Variants in MAST4 observed in about 807,000 individuals in gnomAD.
MAST4 encodes the protein microtubule-associated serine/threonine-protein kinase 4.
A neutral mutation model predicts 162.7 loss-of-function variants in MAST4; 89 were observed. That is an observed-to-expected ratio of 0.55 (90% CI 0.46 to 0.65). The LOEUF (loss-of-function observed/expected upper bound fraction) is 0.65. Among genes scored for constraint, MAST4 ranks in the 30% least tolerant of loss-of-function variants. The probability of loss-of-function intolerance (pLI) is 0.00; values close to 1 mark genes in which losing one functional copy is unlikely to be tolerated. For synonymous variants in MAST4, 1,479 were observed against 1,361.1 expected, an observed-to-expected ratio of 1.09 and a Z score of -1.91; for missense variants, 3,153 against 3,374.0, an observed-to-expected ratio of 0.93 and a Z score of 1.62.
At chr5:66,923,565 T>C (rs1764684881) in intron 4 of MAST4, among the ~76,000 whole-genome samples, 1 of 152,186 alleles carries the variant, frequency 6.6e-6, no homozygotes, top group African/African-American at 2.4e-5. Context: ...GTTGTTCTCT[T>C]TTTCCTGTTT....
intron 5 of MAST4, among the ~76,000 whole-genome samples, chr5:67,061,288 A>C (rs1382285323): frequency 6.6e-6 from 1 of 152,218 alleles, no homozygotes; most frequent in Non-Finnish European, 1.5e-5. Flanking sequence ...ATAATATCTT[A>C]CTATTCGTAA....
chr5:66,773,807 T>C (rs1754464367), intron 2 of MAST4, among the ~76,000 whole-genome samples: 1 of 152,194 alleles, frequency 6.6e-6, no homozygotes, highest in Admixed American at 6.5e-5. Flanking sequence ...CTGTGAGAAA[T>C]AAATTTCTGT....
chr5:66,985,927 C>G (rs1334979565), intron 4 of MAST4, among the ~76,000 whole-genome samples: 1 of 152,184 alleles, frequency 6.6e-6, no homozygotes, highest in Non-Finnish European at 1.5e-5. Flanking sequence ...CTCAAGTCAT[C>G]TACATGTAGA....
intron 4 of MAST4, among the ~76,000 whole-genome samples, chr5:66,946,317 T>G (rs1389092886): frequency 6.6e-6 from 1 of 152,140 alleles, no homozygotes; most frequent in Non-Finnish European, 1.5e-5. Flanking sequence ...GTTTCATGCT[T>G]TGTGACTTAG....
At chr5:67,104,926 C>T (rs1369974285) in intron 10 of MAST4, among the ~76,000 whole-genome samples, 3 of 152,192 alleles carry the variant, frequency 2.0e-5, no homozygotes, top group Admixed American at 2.0e-4. Context: ...ATGATGCTAT[C>T]TAGTTCTATA....
chr5:66,886,076 C>G (rs894982243), intron 3 of MAST4, among the ~76,000 whole-genome samples: 1 of 152,180 alleles, frequency 6.6e-6, no homozygotes, highest in African/African-American at 2.4e-5. Context: ...AAAGTCGAGG[C>G]TGGCACTCAC....
chr5:66,607,625 G>C (rs1477413028), intron 1 of MAST4, among the ~76,000 whole-genome samples: 2 of 152,186 alleles, frequency 1.3e-5, no homozygotes, highest in Non-Finnish European at 2.9e-5. Flanking sequence ...AGTGGAAATG[G>C]ATTGCAGGAA....
At chr5:67,075,531 G>A (rs1761536623) in intron 5 of MAST4, among the ~76,000 whole-genome samples, 2 of 151,696 alleles carry the variant, frequency 1.3e-5, no homozygotes, top group Admixed American at 1.3e-4. Flanking sequence ...TTGGTGAGGA[G>A]TTGAGTTAAT....
chr5:66,786,961 T>G (rs1755147986), intron 2 of MAST4, among the ~76,000 whole-genome samples: 2 of 152,200 alleles, frequency 1.3e-5, no homozygotes, highest in Non-Finnish European at 2.9e-5. Context: ...ACATTTTTTT[T>G]GCAATAAAAT....
chr5:66,624,489 A>G (rs1744295213), intron 1 of MAST4, among the ~76,000 whole-genome samples: 1 of 152,006 alleles, frequency 6.6e-6, no homozygotes, highest in African/African-American at 2.4e-5. Context: ...CAACAGATTC[A>G]AAGTAATTCC....
intron 14 of MAST4, among the ~76,000 whole-genome samples, chr5:67,129,522 C>T (rs188068682): frequency 6.6e-6 from 1 of 151,990 alleles, no homozygotes; most frequent in East Asian, 1.9e-4. Flanking sequence ...GAGTTCGAGA[C>T]CAGCCTGGCC....
At chr5:67,129,940 G>T (rs534830306) in intron 14 of MAST4, among the ~76,000 whole-genome samples, 10 of 152,206 alleles carry the variant, frequency 6.6e-5, no homozygotes, top group Non-Finnish European at 1.0e-4. Flanking sequence ...TCACTTTGGG[G>T]ACTGCTCATT....
intron 4 of MAST4, chr5:66,986,473 C>A (rs754740059): frequency 3.2e-6 from 5 of 1,572,860 alleles, no homozygotes; most frequent in East Asian, 2.3e-5. Context: ...GGGAGAACAT[C>A]ACCCCTTGGA....
chr5:66,721,852 A>C (rs1751231050), intron 1 of MAST4, among the ~76,000 whole-genome samples: 1 of 151,726 alleles, frequency 6.6e-6, no homozygotes. Flanking sequence ...CTAGTTGCTG[A>C]GGCTATATTG....
At chr5:67,121,652 T>G (rs951912634) in intron 14 of MAST4, among the ~76,000 whole-genome samples, 9 of 150,718 alleles carry the variant, frequency 6.0e-5, no homozygotes, top group Non-Finnish European at 1.0e-4. Flanking sequence ...TAAAATACAT[T>G]AACACGAACA....
intron 12 of MAST4, among the ~76,000 whole-genome samples, chr5:67,115,771 T>C (rs1766821439): frequency 6.6e-6 from 1 of 152,258 alleles, no homozygotes; most frequent in Non-Finnish European, 1.5e-5. Context: ...AAAAGCTGAC[T>C]CTTGGTTCCA....
Position 67,121,199 on chromosome 5 carries a change from G to C in MAST4, c.1745+97G>C, listed in dbSNP as rs900759908. 15 of 960,116 alleles carry C rather than the reference G, an allele frequency of 1.6e-5. No homozygotes were observed. In the African/African-American group the frequency reaches 2.5e-4, roughly 16 times the overall value. The allele number at this position is 960,116 out of a possible 1,614,324, so 59.5% of individuals were successfully genotyped here. A position where few individuals can be genotyped will look rare whatever the true frequency, so the allele number is the denominator to read the frequency against. On this transcript the variant is annotated intron_variant, in intron 14 of 28. Transcript: ENST00000403625. ...TCTAAGGCCAAATAGAAGCTGTATA[G>C]GGACTTGACTTTTCAGATCACTGCT...
intron 4 of MAST4, chr5:66,916,963 G>A: frequency 1.4e-6 from 1 of 717,754 alleles, no homozygotes. Flanking sequence ...CTTACGTACT[G>A]GTCCTTTTTT....
chr5:66,796,991 C>T (rs1245920014), intron 3 of MAST4, among the ~76,000 whole-genome samples: 1 of 152,120 alleles, frequency 6.6e-6, no homozygotes, highest in Admixed American at 6.5e-5. Flanking sequence ...AATGGTTAGG[C>T]TGTTCAGGAT....
Sources: gnomAD v4.1 joint callset for allele counts (sites outside exome capture counted in the v4.1 genomes callset) on GRCh38, gnomAD v4.1.1 for gene constraint, MANE v1.5 for transcripts, NCBI Gene and HGNC (gene_info 2026-07-23, HGNC 2026-07-21) for gene names.